The following KIRREL3 variants were observed in gnomAD, a reference collection of about 807,000 sequenced individuals.
KIRREL3 encodes the protein kin of IRRE-like protein 3.
Under a neutral mutation model 89.7 loss-of-function variants are expected in KIRREL3, and 36 were observed. The ratio of observed to expected loss-of-function variants is 0.40; its 90% CI spans 0.31 to 0.53. The LOEUF (loss-of-function observed/expected upper bound fraction) is 0.53, where lower values mean the gene tolerates loss of function less well. Ranked by LOEUF, KIRREL3 falls within the 20% of genes least tolerant of loss-of-function variation. KIRREL3 has a pLI of 0.49. For missense variants in KIRREL3, 864 were observed against 1,056.6 expected, an observed-to-expected ratio of 0.82 and a Z score of 2.53; for synonymous variants, 445 against 441.4, an observed-to-expected ratio of 1.01 and a Z score of -0.10.
chr11:126,925,008 C>T lies in KIRREL3; in HGVS notation c.55+75447G>A, dbSNP rs555898582. ...AAAAAACAGTCCTAGGAGTTATGCC[C>T]TTAGGGCAAAGGGAAAAGGGGTGCT... On this transcript the variant is annotated intron_variant, in intron 1 of 16. Transcript: ENST00000525144. Among the ~76,000 whole-genome samples the T allele has an allele frequency of 2.2e-4, 32 of 145,950 alleles. 1 individual carries two copies. In the South Asian group the frequency reaches 3.9e-3, roughly 18 times the overall value.
intron 2 of KIRREL3, among the ~76,000 whole-genome samples, chr11:126,548,050 C>T (rs1227182171): frequency 6.6e-6 from 1 of 152,122 alleles, no homozygotes; most frequent in Non-Finnish European, 1.5e-5. Context: ...CCTCCTTGGC[C>T]CTCGTCTTTG....
intron 1 of KIRREL3, among the ~76,000 whole-genome samples, chr11:126,835,253 G>T (rs1201255924): frequency 6.6e-6 from 1 of 152,254 alleles, no homozygotes; most frequent in Non-Finnish European, 1.5e-5. Flanking sequence ...GCCCAAGAAG[G>T]TATGTGGCAC....
At chr11:126,450,708 C>A (rs545278394) in intron 7 of KIRREL3, among the ~76,000 whole-genome samples, 1 of 114,036 alleles carries the variant, frequency 8.8e-6, no homozygotes, top group Admixed American at 8.7e-5. Context: ...CGTGCATGTG[C>A]GAGTTTGTGC....
intron 1 of KIRREL3, among the ~76,000 whole-genome samples, chr11:126,582,559 C>T (rs1487822071): frequency 2.0e-5 from 3 of 152,154 alleles, no homozygotes; most frequent in Non-Finnish European, 4.4e-5. Context: ...CTGAATTCCA[C>T]GGCAGGGACA....
rs1944946752 is a variant in KIRREL3, at chr11:126,652,523, C to G, written c.56-89611G>C. ...AGAGAATATCATTATCTCCACTTCA[C>G]AGGTCAGGGGGCTGTGGACAAGAGG... On this transcript the variant is annotated intron_variant, in intron 1 of 16. Coordinates refer to ENST00000525144, the MANE Select transcript of KIRREL3 (RefSeq NM_032531.4). This position sits in a 1 kb window ranked among gnomAD's most constrained non-coding sequence, Gnocchi z 4.9. Among the ~76,000 whole-genome samples, 1 of 152,150 alleles carries G rather than the reference C, an allele frequency of 6.6e-6. No homozygotes were observed. Among genetic ancestry groups the G allele is most frequent in the African/African-American group, 2.4e-5 (1 of 41,418 alleles).
At chr11:126,938,314 T>C (rs1447084689) in intron 1 of KIRREL3, among the ~76,000 whole-genome samples, 1 of 152,220 alleles carries the variant, frequency 6.6e-6, no homozygotes, top group Admixed American at 6.5e-5. Context: ...CCTATTGGGT[T>C]CCAAGTGGTG....
rs1337337864 is a variant in KIRREL3, at chr11:126,768,249, T to C, written c.56-205337A>G. On this transcript the variant is annotated intron_variant, in intron 1 of 16. Coordinates refer to ENST00000525144, the MANE Select transcript of KIRREL3 (RefSeq NM_032531.4). The surrounding 1 kb of genome is among the most constrained non-coding windows in gnomAD (Gnocchi z 4.5). ...TTCAATCTGTCCATCTGTCCATCCA[T>C]ACATGCATCCACCCATCCATCCATC... 6.6e-6 allele frequency among the ~76,000 whole-genome samples: 1 copy of C among 151,512 alleles called. No homozygotes were observed. Among genetic ancestry groups the C allele is most frequent in the Non-Finnish European group, 1.5e-5 (1 of 67,926 alleles).
rs1938393993 is a variant in KIRREL3 at position 126,541,879 on chromosome 11, AT to A, written c.134-15193del. ...GATGTTCCCACTGCACAGTGAAGGCATTTTCACACCTTTTGAAAGTTCATGC... is the reference window on the plus strand; with the variant it reads ...GATGTTCCCACTGCACAGTGAAGGCATTTCACACCTTTTGAAAGTTCATGC... On this transcript the variant is annotated intron_variant, in intron 2 of 16. Transcript: ENST00000525144. This position sits in a 1 kb window ranked among gnomAD's most constrained non-coding sequence, Gnocchi z 4.8. Among the ~76,000 whole-genome samples the A allele has an allele frequency of 6.6e-6, 1 of 151,878 alleles. No homozygotes were observed. Among genetic ancestry groups the A allele is most frequent in the South Asian group, 2.1e-4 (1 of 4,800 alleles).
Position 126,452,010 on chromosome 11 carries a change from C to T in KIRREL3, c.849-2853G>A, listed in dbSNP as rs560086292. ...ATCTTATTCCTGGAGCCTTTCCTGG[C>T]ACCACAAACGCCGTCTCCTGCCCTT... On this transcript the variant is annotated intron_variant, in intron 7 of 16. Coordinates refer to ENST00000525144, the MANE Select transcript of KIRREL3 (RefSeq NM_032531.4). 3.3e-5 allele frequency among the ~76,000 whole-genome samples: 5 copies of T among 152,194 alleles called. No individual in the cohort carries two copies. The East Asian group carries it at 9.7e-4, about 29-fold the overall frequency.
At chr11:126,663,925 C>T (rs1181301984) in intron 1 of KIRREL3, among the ~76,000 whole-genome samples, 1 of 152,220 alleles carries the variant, frequency 6.6e-6, no homozygotes, top group African/African-American at 2.4e-5. Flanking sequence ...CCACCCCAGT[C>T]CTGTAAAGCC....
At position 126,788,858 on chromosome 11, in the gene KIRREL3, C is replaced by T. The variant is rs369319594; in HGVS notation, c.55+211597G>A. 6.6e-6 allele frequency among the ~76,000 whole-genome samples: 1 copy of T among 152,144 alleles called. No individual in the cohort carries two copies. The highest frequency in any genetic ancestry group is 2.1e-4 in the South Asian group (1 of 4,820). ...TAGATTTCAGTTCCCAAATCATGAC[C>T]TCCATGTGTAGAAAATCAGCATTGT... On this transcript the variant is annotated intron_variant, in intron 1 of 16. Coordinates refer to ENST00000525144, the MANE Select transcript of KIRREL3 (RefSeq NM_032531.4). The surrounding 1 kb of genome is among the most constrained non-coding windows in gnomAD (Gnocchi z 4.1).
At position 126,513,891 on chromosome 11, in the gene KIRREL3, A is replaced by G. The variant is rs79931185; in HGVS notation, c.433+7424T>C. On this transcript the variant is annotated intron_variant, in intron 4 of 16. Coordinates refer to ENST00000525144, the MANE Select transcript of KIRREL3 (RefSeq NM_032531.4). The surrounding 1 kb of genome is among the most constrained non-coding windows in gnomAD (Gnocchi z 5.9). Reference sequence around the variant, plus strand: ...CCCACAGGGTGGACCTCAGGGAGCTATAATATAACTTAGAGGTGAGAGACT... The same window carrying G: ...CCCACAGGGTGGACCTCAGGGAGCTGTAATATAACTTAGAGGTGAGAGACT... 0.14 allele frequency among the ~76,000 whole-genome samples: 21,440 copies of G among 152,110 alleles called. 1,655 individuals are homozygous for G. Among genetic ancestry groups the G allele is most frequent in the Admixed American group, 0.17 (2,588 of 15,280 alleles).
chr11:126,534,337 T>A (rs2134467291), intron 2 of KIRREL3, among the ~76,000 whole-genome samples: 1 of 152,312 alleles, frequency 6.6e-6, no homozygotes, highest in South Asian at 2.1e-4. Flanking sequence ...TGAACTAGCT[T>A]CCGTTAGTAG....
Position 126,431,371 on chromosome 11 carries a change from C to G in KIRREL3, c.1696+48G>C, listed in dbSNP as rs979459035. On this transcript the variant is annotated intron_variant, in intron 14 of 16. Transcript: ENST00000525144. This position sits in a 1 kb window ranked among gnomAD's most constrained non-coding sequence, Gnocchi z 7.1. ...GCTCTCCGGGGCAGCCTAAGCCTGG[C>G]CTTTTTCTCTGTCCCCCTCCCTGAG... 2 of 1,607,974 alleles carry G rather than the reference C, an allele frequency of 1.2e-6. No individual in the cohort carries two copies. The highest frequency in any genetic ancestry group is 1.1e-5 in the South Asian group (1 of 89,872).
At chr11:127,000,935 G>A (rs1464315608), upstream of KIRREL3, 2 of 350,252 alleles carry the variant, frequency 5.7e-6, no homozygotes, top group Non-Finnish European at 1.0e-5. The surrounding 1 kb of genome is among the most constrained non-coding windows in gnomAD (Gnocchi z 7.1). Flanking sequence ...GGAAAAAGGA[G>A]ATCTATGCAA....
chr11:126,696,072 G>A lies in KIRREL3; in HGVS notation c.56-133160C>T, dbSNP rs968474453. 1.3e-5 allele frequency among the ~76,000 whole-genome samples: 2 copies of A among 151,774 alleles called. No homozygotes were observed. Among genetic ancestry groups the A allele is most frequent in the African/African-American group, 4.8e-5 (2 of 41,294 alleles). On this transcript the variant is annotated intron_variant, in intron 1 of 16. Transcript: ENST00000525144. The surrounding 1 kb of genome is among the most constrained non-coding windows in gnomAD (Gnocchi z 4.4). ...AGTTCAAGACCAGCCTGACCAACAT[G>A]GTGAAACCCCATCTCTACTAAAAAT...
rs1476326369 is a variant in KIRREL3, at chr11:126,696,558, G to A, written c.56-133646C>T. Among the ~76,000 whole-genome samples, 2 of 152,142 alleles carry A rather than the reference G, an allele frequency of 1.3e-5. No homozygotes were observed. The highest frequency in any genetic ancestry group is 2.9e-5 in the Non-Finnish European group (2 of 68,014). On this transcript the variant is annotated intron_variant, in intron 1 of 16. Coordinates refer to ENST00000525144, the MANE Select transcript of KIRREL3 (RefSeq NM_032531.4). The surrounding 1 kb of genome is among the most constrained non-coding windows in gnomAD (Gnocchi z 4.4). ...AACCCACCTTTCAGCCTCCAGGCAGGTCCTCACCTCTGCCATCCTCCACGT... is the reference window on the plus strand; with the variant it reads ...AACCCACCTTTCAGCCTCCAGGCAGATCCTCACCTCTGCCATCCTCCACGT...
At chr11:126,913,774 A>G (rs1005799284) in intron 1 of KIRREL3, among the ~76,000 whole-genome samples, 5 of 152,182 alleles carry the variant, frequency 3.3e-5, no homozygotes, top group South Asian at 4.1e-4. Context: ...AGACTACCAT[A>G]TAAGAGCTGA....
At chr11:126,818,154 G>A (rs1338176194) in intron 1 of KIRREL3, among the ~76,000 whole-genome samples, 1 of 152,210 alleles carries the variant, frequency 6.6e-6, no homozygotes, top group Non-Finnish European at 1.5e-5. Flanking sequence ...AGTGTCTAGG[G>A]CCATGGACAC....
Sources: gnomAD v4.1 joint callset for allele counts (sites outside exome capture counted in the v4.1 genomes callset) on GRCh38, gnomAD v4.1.1 for gene constraint, Gnocchi (gnomAD v3.1) non-coding constraint, MANE v1.5 for transcripts, NCBI Gene and HGNC (gene_info 2026-07-23, HGNC 2026-07-21) for gene names.